LCLAT1: variants seen among roughly 807,000 people sequenced by gnomAD.
LCLAT1 encodes 1-AGP acyltransferase 8.
LCLAT1 carries 11 observed loss-of-function variants against 30.7 expected under a neutral mutation model. That is an observed-to-expected ratio of 0.36 (90% CI 0.23 to 0.59). The LOEUF (loss-of-function observed/expected upper bound fraction) is 0.59. Ranked by LOEUF, LCLAT1 falls within the 20% of genes least tolerant of loss-of-function variation. The pLI is 0.77. For missense variants in LCLAT1, 402 were observed against 458.6 expected, an observed-to-expected ratio of 0.88 and a Z score of 1.13; for synonymous variants, 155 against 151.3, an observed-to-expected ratio of 1.02 and a Z score of -0.18.
At position 30,516,804 on chromosome 2, in the gene LCLAT1, A is replaced by G. The variant is rs548792417; in HGVS notation, c.-4-8783A>G. 3.9e-5 allele frequency among the ~76,000 whole-genome samples: 6 copies of G among 152,290 alleles called. No individual in the cohort carries two copies. The South Asian group carries it at 1.2e-3, about 32-fold the overall frequency. On this transcript the variant is annotated intron_variant, in intron 1 of 5. Coordinates refer to ENST00000379509, the MANE Select transcript of LCLAT1 (RefSeq NM_001002257.3). ...CTATCCTTCCTTAGAATCAGAGGAA[A>G]ATACTGGGCAGCTGTTGACCATTTA... is the stretch of plus-strand genomic sequence containing the variant.
chr2:30,572,461 G>A (rs1027935782), intron 5 of LCLAT1, among the ~76,000 whole-genome samples: 2 of 152,142 alleles, frequency 1.3e-5, no homozygotes, highest in Non-Finnish European at 2.9e-5. Context: ...CTGGTGATGG[G>A]GACCTAGACT....
At chr2:30,591,827 T>G (rs1666704666) in intron 5 of LCLAT1, among the ~76,000 whole-genome samples, 1 of 152,222 alleles carries the variant, frequency 6.6e-6, no homozygotes, top group African/African-American at 2.4e-5. Context: ...GCTGAATACC[T>G]ATACACCTTG....
intron 5 of LCLAT1, among the ~76,000 whole-genome samples, chr2:30,599,557 T>TAA (rs1225899558): frequency 2.0e-5 from 3 of 152,178 alleles, no homozygotes; most frequent in Non-Finnish European, 4.4e-5. Context: ...TCAGGGGTGT[T>TAA]AAAGTCTCCC....
At chr2:30,550,506 T>C (rs1350979101) in intron 3 of LCLAT1, among the ~76,000 whole-genome samples, 1 of 152,200 alleles carries the variant, frequency 6.6e-6, no homozygotes, top group Non-Finnish European at 1.5e-5. Flanking sequence ...TGTAGAATGT[T>C]CCTCAGTTTG....
chr2:30,451,285 G>A (rs1325796951), intron 1 of LCLAT1, among the ~76,000 whole-genome samples: 1 of 152,166 alleles, frequency 6.6e-6, no homozygotes, highest in Admixed American at 6.5e-5. Flanking sequence ...GTTGGCAAGG[G>A]TGTAGACCAA....
At chr2:30,566,519 G>C (rs1048615420) in intron 4 of LCLAT1, among the ~76,000 whole-genome samples, 7 of 152,102 alleles carry the variant, frequency 4.6e-5, no homozygotes, top group Non-Finnish European at 8.8e-5. Flanking sequence ...ACCTTCTATA[G>C]GAGTGTTCTT....
chr2:30,635,157 T>G (rs1439962206), intron 5 of LCLAT1, among the ~76,000 whole-genome samples: 2 of 152,022 alleles, frequency 1.3e-5, no homozygotes, highest in African/African-American at 4.8e-5. Context: ...CCAAGGACTT[T>G]GGGAGAATGA....
intron 5 of LCLAT1, among the ~76,000 whole-genome samples, chr2:30,633,722 A>G (rs915286847): frequency 7.9e-5 from 12 of 152,232 alleles, no homozygotes; most frequent in Non-Finnish European, 1.3e-4. Context: ...ACATGTTTAT[A>G]TAGTCTGCAT....
chr2:30,630,928 A>G (rs145748854), intron 5 of LCLAT1, among the ~76,000 whole-genome samples: 1 of 152,332 alleles, frequency 6.6e-6, no homozygotes, highest in African/African-American at 2.4e-5. Context: ...AGAACACTCA[A>G]AAGAAATAGA....
intron 5 of LCLAT1, among the ~76,000 whole-genome samples, chr2:30,590,680 C>G (rs1031047085): frequency 1.3e-5 from 2 of 151,618 alleles, no homozygotes; most frequent in Non-Finnish European, 2.9e-5. Context: ...GTTTGAAACT[C>G]AGTAAGAGTT....
chr2:30,597,958 T>G (rs897983499), intron 5 of LCLAT1, among the ~76,000 whole-genome samples: 1 of 152,212 alleles, frequency 6.6e-6, no homozygotes, highest in Non-Finnish European at 1.5e-5. Context: ...ATTTGCATTA[T>G]GTTGAACCAG....
At chr2:30,639,972 C>T in intron 5 of LCLAT1, 145 bp from the exon 6 acceptor site, 1 of 641,572 alleles carries the variant, frequency 1.6e-6, no homozygotes, top group South Asian at 2.2e-5. Flanking sequence ...TGTCCAGGAA[C>T]ACCAGTATCT....
chr2:30,458,415 T>C (rs886245921), intron 1 of LCLAT1, among the ~76,000 whole-genome samples: 1 of 152,138 alleles, frequency 6.6e-6, no homozygotes, highest in Non-Finnish European at 1.5e-5. Flanking sequence ...CTTGGTAGAT[T>C]TGGGCATGCT....
At chr2:30,576,955 T>A (rs1362758207) in intron 5 of LCLAT1, among the ~76,000 whole-genome samples, 3 of 152,032 alleles carry the variant, frequency 2.0e-5, no homozygotes, top group African/African-American at 7.2e-5. Flanking sequence ...ACCAAATTCA[T>A]ATACCTCACT....
chr2:30,547,074 C>G (rs760025927), intron 3 of LCLAT1, among the ~76,000 whole-genome samples: 19 of 152,078 alleles, frequency 1.2e-4, no homozygotes, highest in Non-Finnish European at 1.8e-4. Context: ...CAATCATAGG[C>G]ATTAGTTTTG....
chr2:30,556,204 A>G (rs1664911175), intron 3 of LCLAT1, among the ~76,000 whole-genome samples: 1 of 152,224 alleles, frequency 6.6e-6, no homozygotes, highest in African/African-American at 2.4e-5. Context: ...GCCATGGGCA[A>G]TATACATAAA....
chr2:30,524,326 A>G (rs1685609308), intron 1 of LCLAT1, among the ~76,000 whole-genome samples: 1 of 152,234 alleles, frequency 6.6e-6, no homozygotes, highest in African/African-American at 2.4e-5. Flanking sequence ...ATTAAAGACC[A>G]AGTACCCAAG....
intron 5 of LCLAT1, among the ~76,000 whole-genome samples, chr2:30,584,877 G>A (rs1270436965): frequency 6.6e-6 from 1 of 151,310 alleles, no homozygotes; most frequent in African/African-American, 2.4e-5. Flanking sequence ...GGTGATTTGG[G>A]TGATCGGAAA....
intron 1 of LCLAT1, among the ~76,000 whole-genome samples, chr2:30,491,565 C>G (rs1683833699): frequency 6.6e-6 from 1 of 152,176 alleles, no homozygotes; most frequent in South Asian, 2.1e-4. Context: ...ATTTCTGACT[C>G]TCATGATTTT....
Sources: gnomAD v4.1 joint callset for allele counts (sites outside exome capture counted in the v4.1 genomes callset) on GRCh38, gnomAD v4.1.1 for gene constraint, MANE v1.5 for transcripts, NCBI Gene and HGNC (gene_info 2026-07-23, HGNC 2026-07-21) for gene names.